The following SLC67A1 variants were observed in gnomAD, a reference collection of about 807,000 sequenced individuals.
The protein encoded by SLC67A1 is solute carrier family 67 member A1.
the SLC67A1 span, among the ~76,000 whole-genome samples, chr11:2,917,419 C>A: frequency 6.6e-6 from 1 of 152,038 alleles, no homozygotes; most frequent in Non-Finnish European, 1.5e-5. Flanking sequence ...GGGCCTGTGG[C>A]GAGCACAGCA....
the SLC67A1 span, chr11:2,925,091 G>T: frequency 6.8e-6 from 11 of 1,613,878 alleles, no homozygotes; most frequent in Middle Eastern, 3.3e-4. This position sits in a 1 kb window ranked among gnomAD's most constrained non-coding sequence, Gnocchi z 6.5. Context: ...CTGTACCGCA[G>T]CTTTGGCGTC....
the SLC67A1 span, chr11:2,915,022 C>T: frequency 6.3e-5 from 62 of 985,454 alleles, no homozygotes; most frequent in African/African-American, 1.0e-3. Flanking sequence ...GAGTAGCTGA[C>T]GTCCTGGGCG....
the SLC67A1 span, chr11:2,919,465 C>T: frequency 1.6e-6 from 2 of 1,278,484 alleles, no homozygotes; most frequent in South Asian, 2.4e-5. Context: ...GTGGGGCAGG[C>T]CTCTGAGAGT....
the SLC67A1 span, chr11:2,922,511 G>T: frequency 6.2e-7 from 1 of 1,613,076 alleles, no homozygotes. Context: ...CCTCAACGTG[G>T]TCACCGACAG....
At chr11:2,908,249 T>C in the SLC67A1 span, 8 of 1,610,496 alleles carry the variant, frequency 5.0e-6, no homozygotes, top group South Asian at 2.2e-5. Context: ...TCTCGGAAAC[T>C]GGGCCTGGAT....
chr11:2,908,413 T>A, the SLC67A1 span: 3 of 1,032,540 alleles, frequency 2.9e-6, no homozygotes, highest in Non-Finnish European at 4.3e-6. Flanking sequence ...CGGGCCAGGT[T>A]CCCTGACCCC....
At chr11:2,900,220 A>G in the SLC67A1 span, among the ~76,000 whole-genome samples, 1 of 151,900 alleles carries the variant, frequency 6.6e-6, no homozygotes, top group East Asian at 1.9e-4. Context: ...GGGGACACGC[A>G]CTCCAGATGC....
At chr11:2,921,972 C>T in the SLC67A1 span, 72 of 715,494 alleles carry the variant, frequency 1.0e-4, no homozygotes, top group Non-Finnish European at 1.6e-4. Context: ...GCTGAGGGGC[C>T]TTCTCTGCAG....
chr11:2,919,410 G>C, the SLC67A1 span: 1 of 1,611,504 alleles, frequency 6.2e-7, no homozygotes, highest in South Asian at 1.1e-5. Context: ...TCCAGATGGT[G>C]AGTGGGCACA....
the SLC67A1 span, among the ~76,000 whole-genome samples, chr11:2,910,326 G>A: frequency 6.6e-6 from 1 of 152,186 alleles, no homozygotes; most frequent in African/African-American, 2.4e-5. Flanking sequence ...GAGTCCCTGG[G>A]ATGAAGGGAA....
the SLC67A1 span, among the ~76,000 whole-genome samples, chr11:2,924,829 G>A: frequency 3.3e-5 from 5 of 152,296 alleles, no homozygotes; most frequent in South Asian, 6.2e-4. The surrounding 1 kb of genome is among the most constrained non-coding windows in gnomAD (Gnocchi z 8.6). Flanking sequence ...CTGGAGGTTA[G>A]AAGCTGGCAG....
chr11:2,923,646 G>A, the SLC67A1 span, among the ~76,000 whole-genome samples: 1 of 152,316 alleles, frequency 6.6e-6, no homozygotes, highest in African/African-American at 2.4e-5. The surrounding 1 kb of genome is among the most constrained non-coding windows in gnomAD (Gnocchi z 6.5). Flanking sequence ...GAGCCAGGAG[G>A]GCTTCCTGGA....
At chr11:2,916,952 G>T in the SLC67A1 span, 1 of 535,366 alleles carries the variant, frequency 1.9e-6, no homozygotes, top group South Asian at 2.7e-5. Context: ...GGCTCCGGCA[G>T]GCAGGGAGGC....
At chr11:2,924,344 G>T in the SLC67A1 span, among the ~76,000 whole-genome samples, 1 of 152,160 alleles carries the variant, frequency 6.6e-6, no homozygotes, top group Non-Finnish European at 1.5e-5. This position sits in a 1 kb window ranked among gnomAD's most constrained non-coding sequence, Gnocchi z 8.6. Context: ...AGCCCTGTGA[G>T]GGGGAGTTCC....
At chr11:2,903,261 G>A in the SLC67A1 span, 3 of 1,559,386 alleles carry the variant, frequency 1.9e-6, no homozygotes, top group East Asian at 6.8e-5. Context: ...CAGCACCCCT[G>A]CCCGGATCAA....
At chr11:2,919,308 G>T in the SLC67A1 span, 1 of 1,613,098 alleles carries the variant, frequency 6.2e-7, no homozygotes. Flanking sequence ...CCGGCTCAGG[G>T]CTCTTCATGG....
chr11:2,915,136 G>T, the SLC67A1 span: 421,249 of 984,978 alleles, frequency 0.43, 90,860 homozygotes, highest in East Asian at 0.57. Flanking sequence ...GAGCTTAGGG[G>T]TCCCACCTCA....
chr11:2,912,815 T>C, the SLC67A1 span, among the ~76,000 whole-genome samples: 1 of 152,046 alleles, frequency 6.6e-6, no homozygotes, highest in Non-Finnish European at 1.5e-5. Context: ...GGAGGGGCCA[T>C]AGAGTCCTAT....
At chr11:2,922,372 AC>A in the SLC67A1 span, 1 of 1,583,202 alleles carries the variant, frequency 6.3e-7, no homozygotes, top group Non-Finnish European at 8.6e-7. Context: ...GACAGGTAAG[AC>A]CCCAGAGAGG....
Sources: gnomAD v4.1 joint callset for allele counts (sites outside exome capture counted in the v4.1 genomes callset) on GRCh38, gnomAD v4.1.1 for gene constraint, Gnocchi (gnomAD v3.1) non-coding constraint, MANE v1.5 for transcripts, NCBI Gene and HGNC (gene_info 2026-07-23, HGNC 2026-07-21) for gene names.